ATP13A2: variants seen among roughly 807,000 people sequenced by gnomAD.
ATP13A2 encodes the protein ATPase cation transporting 13A2, also known as polyamine-transporting ATPase 13A2.
Under a neutral mutation model 138.3 loss-of-function variants are expected in ATP13A2, and 83 were observed. The ratio of observed to expected loss-of-function variants is 0.60; its 90% CI spans 0.50 to 0.72. The LOEUF (loss-of-function observed/expected upper bound fraction) is 0.72. ATP13A2 is among the 30% of genes least tolerant of loss of function. The pLI is 0.00. For synonymous variants in ATP13A2, 663 were observed against 699.0 expected (o/e 0.95, Z 0.81); for missense variants, 1,402 against 1,606.4 (o/e 0.87, Z 2.17).
At chr1:16,989,598 G>A in intron 23 of ATP13A2, 93 bp downstream of exon 23, 1 of 1,286,212 alleles carries the variant, frequency 7.8e-7, no homozygotes, top group African/African-American at 1.5e-5. Flanking sequence ...GCCTGAGGAG[G>A]GAGACAGGGC....
In ATP13A2 at chr1:17,000,126, G is replaced by A; in HGVS notation, c.924C>T (p.Asp308=). Residue 308 remains aspartate, a synonymous_variant, in exon 11 of 29, where the codon GAC becomes GAT. Coordinates refer to ENST00000326735, the MANE Select transcript of ATP13A2 (RefSeq NM_022089.4). ...CRPGGEEEWV[D]SSELVPGDCL... is the part of the protein sequence containing the mutation. Reference sequence around the variant, plus strand: ...AGTCTCCGGGCACTAGCTCACTGGAGTCCACCCACTCTTCCTCTGCAGGCA... The same window carrying A: ...AGTCTCCGGGCACTAGCTCACTGGAATCCACCCACTCTTCCTCTGCAGGCA... 1.2e-6 allele frequency: 2 copies of A among 1,613,408 alleles called. No homozygotes were observed. The highest frequency in any genetic ancestry group is 1.7e-6 in the Non-Finnish European group (2 of 1,180,002).
At position 17,006,678 on chromosome 1, in the gene ATP13A2, G is replaced by T. The variant is rs137986727; in HGVS notation, c.11-900C>A. On this transcript the variant is annotated intron_variant, in intron 1 of 28. Transcript: ENST00000326735. ...GCATCCAGCCATTAGCTTCCTTGGA[G>T]CTCTGGGTCTCACTTTTCTATCCTC... 4.6e-3 allele frequency among the ~76,000 whole-genome samples: 696 copies of T among 152,248 alleles called. 5 individuals carry two copies. Among genetic ancestry groups the T allele is most frequent in the African/African-American group, 0.016 (672 of 41,564 alleles).
intron 1 of ATP13A2, among the ~76,000 whole-genome samples, chr1:17,007,267 G>A (rs943274693): frequency 3.3e-5 from 5 of 152,152 alleles, no homozygotes; most frequent in East Asian, 1.9e-4. Flanking sequence ...GCTCCAGAGC[G>A]GGTAGAGCTC....
At chr1:16,987,683 C>T (rs1378338616) in intron 25 of ATP13A2, among the ~76,000 whole-genome samples, 1 of 152,210 alleles carries the variant, frequency 6.6e-6, no homozygotes, top group East Asian at 1.9e-4. Context: ...TGCAGTGTCA[C>T]CTCATTCGCT....
Position 17,005,052 on chromosome 1 carries a change from G to A in ATP13A2, c.309C>T (p.Phe103=). 1 of 1,614,144 alleles carries A rather than the reference G, an allele frequency of 6.2e-7. No individual in the cohort carries two copies. The highest frequency in any genetic ancestry group is 8.5e-7 in the Non-Finnish European group (1 of 1,180,030). Residue 103 remains phenylalanine, a synonymous_variant, in exon 4 of 29, where the codon TTC becomes TTT. Transcript: ENST00000326735. The part of the protein sequence containing the change: ...RDKEDSSWQL[F]TVQVQTEAIG... ...TGGCCTCAGTCTGCACCTGGACAGT[G>A]AAGAGCTGCCAGGAACTATCCTGGA...
rs1453863812 is a variant in ATP13A2 at position 16,993,220 on chromosome 1, CATT to C, written c.1749+406_1749+408del. 5.3e-5 allele frequency among the ~76,000 whole-genome samples: 8 copies of C among 151,926 alleles called. No homozygotes were observed. In the South Asian group the frequency reaches 6.3e-4, roughly 12 times the overall value. On this transcript the variant is annotated intron_variant, in intron 16 of 28. Coordinates refer to ENST00000326735, the MANE Select transcript of ATP13A2 (RefSeq NM_022089.4). ...GCATGAGTCACTGCACCTGGCCTAT[CATT>C]ATTATTTTTTGAGACAGGGTCTCGT...
chr1:17,004,514 G>T lies in ATP13A2; in HGVS notation c.478-103C>A. ...GGATGGGGGTAGGGGGCAGGGACTG[G>T]TGTCACCAGACAGAGAGGTGGGGAG... On this transcript the variant is annotated intron_variant, in intron 5 of 28. Transcript: ENST00000326735. The surrounding 1 kb of genome is among the most constrained non-coding windows in gnomAD (Gnocchi z 4.1). 6.5e-7 allele frequency: 1 copy of T among 1,533,810 alleles called. No individual in the cohort carries two copies. The highest frequency in any genetic ancestry group is 2.3e-5 in the East Asian group (1 of 42,830).
chr1:16,988,094 T>C, intron 25 of ATP13A2, 44 bp downstream of exon 25: 2 of 1,565,778 alleles, frequency 1.3e-6, no homozygotes, highest in Non-Finnish European at 1.8e-6. Flanking sequence ...GTCCCCTCCC[T>C]AGTCCTGGGA....
rs926438143 is a variant in ATP13A2, at chr1:16,990,360, G to T, written c.2252-73C>A. 32 of 1,577,238 alleles carry T rather than the reference G, an allele frequency of 2.0e-5. No homozygotes were observed. The African/African-American group carries it at 3.9e-4, about 19-fold the overall frequency. On this transcript the variant is annotated intron_variant, in intron 20 of 28. Coordinates refer to ENST00000326735, the MANE Select transcript of ATP13A2 (RefSeq NM_022089.4). ...CATCCTCATCCTGATCCTTACAGAT[G>T]GGAAAACAGGCTGGATGAAATCCGT...
chr1:16,992,121 CGGTG>C lies in ATP13A2; in HGVS notation c.2010_2013del (p.Asp672SerfsTer35). 1 of 1,613,204 alleles carries C rather than the reference CGGTG, an allele frequency of 6.2e-7. No individual in the cohort carries two copies. The highest frequency in any genetic ancestry group is 8.5e-7 in the Non-Finnish European group (1 of 1,179,498). Reference sequence around the variant, plus strand: ...TAGCTCTGCAGCATCTGGGCGAAGTCGGTGGGCACTGCCAGGGAGAGGCAGGTGT... The same window carrying C: ...TAGCTCTGCAGCATCTGGGCGAAGTCGGCACTGCCAGGGAGAGGCAGGTGT... On this transcript the variant is annotated frameshift_variant, in exon 19 of 29. Coordinates refer to ENST00000326735, the MANE Select transcript of ATP13A2 (RefSeq NM_022089.4). LOFTEE classifies it high-confidence loss of function.
chr1:16,993,513 T>A (rs1410955479), intron 16 of ATP13A2, 116 bp downstream of exon 16: 1 of 1,061,788 alleles, frequency 9.4e-7, no homozygotes, highest in African/African-American at 1.6e-5. Context: ...TGGCCTATTA[T>A]TATTAATGGT....
chr1:16,999,932 A>G, intron 11 of ATP13A2, 79 bp downstream of exon 11: 1 of 1,477,118 alleles, frequency 6.8e-7, no homozygotes, highest in Non-Finnish European at 9.0e-7. Context: ...AGGAAACTCA[A>G]ATGAAAACTT....
chr1:16,997,170 T>C lies in ATP13A2; in HGVS notation c.1045A>G (p.Ser349Gly). The change falls in exon 12 of 29, where the codon AGC becomes GGC. Residue 349 changes from serine to glycine, a missense_variant. Physicochemically the swap from Ser to Gly is moderately conservative, Grantham distance 56. Coordinates refer to ENST00000326735, the MANE Select transcript of ATP13A2 (RefSeq NM_022089.4). The stretch of plus-strand genomic sequence containing the variant: ...AGTGCCGTCTTCAGCACTGGAATGC[T>C]CTCTCCTGGTGGGGAACGTGGTGTG... ...MVNESSLTGE[S>G]IPVLKTALPE... 1 of 1,613,446 alleles carries C rather than the reference T, an allele frequency of 6.2e-7. No individual in the cohort carries two copies. Among genetic ancestry groups the C allele is most frequent in the Non-Finnish European group, 8.5e-7 (1 of 1,180,020 alleles).
chr1:16,997,414 CG>C lies in ATP13A2; in HGVS notation c.1040-240del, dbSNP rs1379881479. On this transcript the variant is annotated intron_variant, in intron 11 of 28. Coordinates refer to ENST00000326735, the MANE Select transcript of ATP13A2 (RefSeq NM_022089.4). ...GTGGCAGCCAGCTCCCTGGAACCAG[CG>C]GGGGGGGGTGGGTCAGACAGAGCAT... is the stretch of plus-strand genomic sequence containing the variant. 9.5e-4 allele frequency among the ~76,000 whole-genome samples: 54 copies of C among 56,624 alleles called. 1 individual carries two copies. The highest frequency in any genetic ancestry group is 4.1e-3 in the South Asian group (7 of 1,716). 37.1% of individuals were successfully genotyped at this position (56,624 alleles called of 152,430 possible).
chr1:16,992,593 G>A lies in ATP13A2; in HGVS notation c.1750-12C>T. 1 of 1,614,102 alleles carries A rather than the reference G, an allele frequency of 6.2e-7. No homozygotes were observed. Among genetic ancestry groups the A allele is most frequent in the Non-Finnish European group, 8.5e-7 (1 of 1,179,926 alleles). On this transcript the variant is annotated splice_polypyrimidine_tract_variant and intron_variant, in intron 16 of 28. Coordinates refer to ENST00000326735, the MANE Select transcript of ATP13A2 (RefSeq NM_022089.4). The stretch of plus-strand genomic sequence containing the variant: ...TCTTCCTCCAGGACCTGGCAGGCAG[G>A]CAGGGAAGTTTGGTGTCTGGGGGCT...
Position 16,986,726 on chromosome 1 carries a change from C to T in ATP13A2, c.3235+79G>A. Reference sequence around the variant, plus strand: ...CCAGTCTTCCACTCGGCCGGCACCTCTCTCCCATCTGCCTCCCCAGCACCC... The same window carrying T: ...CCAGTCTTCCACTCGGCCGGCACCTTTCTCCCATCTGCCTCCCCAGCACCC... On this transcript the variant is annotated intron_variant, in intron 27 of 28. Coordinates refer to ENST00000326735, the MANE Select transcript of ATP13A2 (RefSeq NM_022089.4). This position sits in a 1 kb window ranked among gnomAD's most constrained non-coding sequence, Gnocchi z 6.9. 1 of 1,576,016 alleles carries T rather than the reference C, an allele frequency of 6.3e-7. No individual in the cohort carries two copies. Among genetic ancestry groups the T allele is most frequent in the Non-Finnish European group, 8.6e-7 (1 of 1,165,060 alleles).
chr1:16,997,176 C>T lies in ATP13A2; in HGVS notation c.1040-1G>A. ...GTCTTCAGCACTGGAATGCTCTCTC[C>T]TGGTGGGGAACGTGGTGTGAGGACC... is the stretch of plus-strand genomic sequence containing the variant. On this transcript the variant is annotated splice_acceptor_variant, in intron 11 of 28. Coordinates refer to ENST00000326735, the MANE Select transcript of ATP13A2 (RefSeq NM_022089.4). LOFTEE classifies it high-confidence loss of function. 2.5e-6 allele frequency: 4 copies of T among 1,613,460 alleles called. No homozygotes were observed. Among genetic ancestry groups the T allele is most frequent in the Non-Finnish European group, 3.4e-6 (4 of 1,180,032 alleles).
chr1:16,996,344 G>T (rs187138619), intron 13 of ATP13A2, 42 bp downstream of exon 13: 243 of 1,599,432 alleles, frequency 1.5e-4, no homozygotes, highest in East Asian at 7.4e-4. Context: ...GGACCCAGGT[G>T]GGGGGGGCTA....
At position 16,996,247 on chromosome 1, in the gene ATP13A2, G is replaced by C. The variant is rs770782115; in HGVS notation, c.1353+7C>G. The C allele has an allele frequency of 1.2e-6, 2 of 1,614,128 alleles. No homozygotes were observed. The highest frequency in any genetic ancestry group is 8.5e-7 in the Non-Finnish European group (1 of 1,180,016). On this transcript the variant is annotated splice_region_variant and intron_variant, in intron 14 of 28. Transcript: ENST00000326735. ...GCAGCACCCCCCACCCCACCCCCAAGGCTTACCCGGTTTCGGTAGAGGATG... is the reference window on the plus strand; with the variant it reads ...GCAGCACCCCCCACCCCACCCCCAACGCTTACCCGGTTTCGGTAGAGGATG...
Sources: gnomAD v4.1 joint callset for allele counts (sites outside exome capture counted in the v4.1 genomes callset) on GRCh38, gnomAD v4.1.1 for gene constraint, Gnocchi (gnomAD v3.1) non-coding constraint, MANE v1.5 for transcripts, NCBI Gene and HGNC (gene_info 2026-07-23, HGNC 2026-07-21) for gene names.